Variants in GABBR2 observed in about 807,000 individuals in gnomAD.
GABBR2 encodes the protein gamma-aminobutyric acid type B receptor subunit 2, also known as G-protein coupled receptor 51.
GABBR2 carries 23 observed loss-of-function variants against 105.6 expected under a neutral mutation model. That is an observed-to-expected ratio of 0.22 (90% CI 0.16 to 0.31). The LOEUF (loss-of-function observed/expected upper bound fraction) is 0.31, where lower values mean the gene tolerates loss of function less well. Among genes scored for constraint, GABBR2 ranks in the 10% least tolerant of loss-of-function variants. GABBR2 has a pLI of 1.00. For missense variants in GABBR2, 734 were observed against 1,245.5 expected, an observed-to-expected ratio of 0.59 and a Z score of 6.18; for synonymous variants, 478 against 499.7, an observed-to-expected ratio of 0.96 and a Z score of 0.58.
At chr9:98,685,366 G>A (rs567235356) in intron 1 of GABBR2, among the ~76,000 whole-genome samples, 1 of 152,306 alleles carries the variant, frequency 6.6e-6, no homozygotes, top group East Asian at 1.9e-4. Context: ...GCTTGCAGAC[G>A]GCCTATTGTG....
At chr9:98,400,041 C>G (rs550649039) in intron 8 of GABBR2, among the ~76,000 whole-genome samples, 1 of 150,564 alleles carries the variant, frequency 6.6e-6, no homozygotes, top group African/African-American at 2.4e-5. Flanking sequence ...AAAACCTAGC[C>G]AGGCATGGTG....
chr9:98,443,753 C>T (rs1182954008), intron 7 of GABBR2, among the ~76,000 whole-genome samples: 2 of 152,188 alleles, frequency 1.3e-5, no homozygotes, highest in Non-Finnish European at 2.9e-5. Context: ...TGTCAAGGGG[C>T]TCAGAGTCCA....
Position 98,609,410 on chromosome 9 carries a change from C to G in GABBR2, c.322-31338G>C, listed in dbSNP as rs189349193. Among the ~76,000 whole-genome samples, 404 of 152,318 alleles carry G rather than the reference C, an allele frequency of 2.7e-3. 4 individuals are homozygous for G. The highest frequency in any genetic ancestry group is 8.8e-3 in the African/African-American group (364 of 41,564). On this transcript the variant is annotated intron_variant, in intron 1 of 18. Coordinates refer to ENST00000259455, the MANE Select transcript of GABBR2 (RefSeq NM_005458.8). ...CCTGCAGTTTCTCGCACCTCGAATG[C>G]CCTTACCCTTCCATCTATGAAATCC...
intron 1 of GABBR2, among the ~76,000 whole-genome samples, chr9:98,651,554 C>A (rs1377972771): frequency 2.6e-5 from 4 of 152,124 alleles, no homozygotes; most frequent in African/African-American, 4.8e-5. Flanking sequence ...CCTGTCCCAG[C>A]CTCCAGAGTA....
At chr9:98,540,790 A>C (rs1164250849) in intron 3 of GABBR2, among the ~76,000 whole-genome samples, 3 of 152,252 alleles carry the variant, frequency 2.0e-5, no homozygotes, top group Admixed American at 6.5e-5. Context: ...TGGGAATAGA[A>C]AGGAGAGGAG....
At chr9:98,705,349 C>G (rs1312057111) in intron 1 of GABBR2, among the ~76,000 whole-genome samples, 1 of 152,206 alleles carries the variant, frequency 6.6e-6, no homozygotes, top group Non-Finnish European at 1.5e-5. Flanking sequence ...GAGAGTCAAT[C>G]TGGTTGTAGG....
intron 13 of GABBR2, among the ~76,000 whole-genome samples, chr9:98,317,801 CG>C (rs1239303546): frequency 6.6e-6 from 1 of 152,122 alleles, no homozygotes; most frequent in African/African-American, 2.4e-5. Context: ...TCCAGTGGAA[CG>C]GGGGCTGCTC....
chr9:98,616,566 C>A (rs920121985), intron 1 of GABBR2, among the ~76,000 whole-genome samples: 4 of 152,072 alleles, frequency 2.6e-5, no homozygotes, highest in African/African-American at 9.7e-5. Context: ...CCAGCCTGGC[C>A]AACATGGTGA....
chr9:98,431,276 A>G (rs1825804778), intron 7 of GABBR2, among the ~76,000 whole-genome samples: 1 of 152,132 alleles, frequency 6.6e-6, no homozygotes, highest in South Asian at 2.1e-4. Context: ...TGGAATAGCA[A>G]CCATTGTCTT....
At chr9:98,531,885 A>T (rs867125546) in intron 3 of GABBR2, among the ~76,000 whole-genome samples, 7 of 152,182 alleles carry the variant, frequency 4.6e-5, no homozygotes. Context: ...TGAGTTAAAT[A>T]AACAGGCGGC....
intron 2 of GABBR2, among the ~76,000 whole-genome samples, chr9:98,544,420 G>T (rs1828364089): frequency 6.6e-6 from 1 of 152,120 alleles, no homozygotes. Flanking sequence ...AAGCTACAGA[G>T]CCCCCGTAGA....
chr9:98,607,273 T>C (rs1829439775), intron 1 of GABBR2: 1 of 1,037,856 alleles, frequency 9.6e-7, no homozygotes, highest in Non-Finnish European at 1.5e-6. Flanking sequence ...GAATCGCATG[T>C]GAACGGACGT....
intron 3 of GABBR2, among the ~76,000 whole-genome samples, chr9:98,517,381 C>T (rs1464426162): frequency 1.3e-5 from 2 of 152,176 alleles, no homozygotes; most frequent in East Asian, 3.9e-4. Context: ...GAGAGTCCCT[C>T]TCCTGGCGAA....
At chr9:98,601,374 G>A (rs147669085) in intron 1 of GABBR2, among the ~76,000 whole-genome samples, 87 of 152,200 alleles carry the variant, frequency 5.7e-4, no homozygotes, top group African/African-American at 1.9e-3. Context: ...GAAATTAGCC[G>A]TGCATGGCGG....
chr9:98,436,317 C>CAT lies in GABBR2; in HGVS notation c.1236+17662_1236+17663dup, dbSNP rs1259502827. Among the ~76,000 whole-genome samples the CAT allele has an allele frequency of 5.7e-4, 19 of 33,436 alleles. 1 individual carries two copies. Among genetic ancestry groups the CAT allele is most frequent in the South Asian group, 2.1e-3 (2 of 948 alleles). 21.9% of individuals were successfully genotyped at this position (33,436 alleles called of 152,430 possible). On this transcript the variant is annotated intron_variant, in intron 7 of 18. Coordinates refer to ENST00000259455, the MANE Select transcript of GABBR2 (RefSeq NM_005458.8). ...TATATATATATACCCATAAATATAC[C>CAT]ATATATATATATATACACACACACA...
chr9:98,641,081 G>C (rs1829954491), intron 1 of GABBR2, among the ~76,000 whole-genome samples: 1 of 151,596 alleles, frequency 6.6e-6, no homozygotes, highest in South Asian at 2.1e-4. Context: ...GGCACTTACA[G>C]AGTCTGATTC....
intron 6 of GABBR2, among the ~76,000 whole-genome samples, chr9:98,465,075 C>T (rs985231260): frequency 1.4e-5 from 2 of 139,124 alleles, no homozygotes; most frequent in Non-Finnish European, 3.0e-5. Flanking sequence ...TATGACTCTG[C>T]CACATCCCCC....
intron 3 of GABBR2, among the ~76,000 whole-genome samples, chr9:98,510,612 G>A (rs1827619558): frequency 6.6e-6 from 1 of 152,184 alleles, no homozygotes; most frequent in African/African-American, 2.4e-5. Flanking sequence ...AAAGGCAGGG[G>A]TTGCAATCCT....
intron 4 of GABBR2, among the ~76,000 whole-genome samples, chr9:98,485,506 G>GCA (rs34581669): frequency 0.01 from 1,560 of 150,834 alleles, 30 homozygotes; most frequent in African/African-American, 0.036. Flanking sequence ...ACACACGCAG[G>GCA]CACACACACA....
Sources: allele counts gnomAD v4.1 joint callset (sites outside exome capture counted in the v4.1 genomes callset), GRCh38; gene constraint gnomAD v4.1.1; transcripts MANE v1.5; gene names NCBI Gene and HGNC (gene_info 2026-07-23, HGNC 2026-07-21).